The following SLC7A2 variants were observed in gnomAD, a reference collection of about 807,000 sequenced individuals.
SLC7A2 encodes cationic amino acid transporter 2.
In SLC7A2, 48 loss-of-function variants were observed where a neutral mutation model predicts 58.9. The observed-to-expected ratio is 0.82, with a 90% CI of 0.65 to 1.04. The LOEUF (loss-of-function observed/expected upper bound fraction) is 1.04. SLC7A2 is among the 50% of genes least tolerant of loss of function. The probability of loss-of-function intolerance (pLI) is 0.00; values close to 1 mark genes in which losing one functional copy is unlikely to be tolerated. For missense variants in SLC7A2, 1,029 were observed against 818.8 expected (o/e 1.26, Z -3.13); for synonymous variants, 363 against 314.5 (o/e 1.15, Z -1.63).
intron 8 of SLC7A2, chr8:17,554,920 G>T: frequency 6.2e-7 from 1 of 1,612,628 alleles, no homozygotes; most frequent in East Asian, 2.2e-5. Context: ...TAACTCATGT[G>T]TGGATTTTGA....
At chr8:17,561,570 C>G (rs1210325376) in intron 10 of SLC7A2, among the ~76,000 whole-genome samples, 1 of 152,090 alleles carries the variant, frequency 6.6e-6, no homozygotes, top group Non-Finnish European at 1.5e-5. Flanking sequence ...TTTACGACAG[C>G]TTAAAATAAC....
chr8:17,518,268 A>G (rs1225651339), intron 2 of SLC7A2, among the ~76,000 whole-genome samples: 1 of 149,324 alleles, frequency 6.7e-6, no homozygotes, highest in Non-Finnish European at 1.5e-5. Flanking sequence ...ATATTCTGCA[A>G]CTCCATCGAT....
intron 1 of SLC7A2, among the ~76,000 whole-genome samples, chr8:17,498,037 C>G (rs527544095): frequency 3.1e-4 from 47 of 152,248 alleles, no homozygotes; most frequent in Non-Finnish European, 4.9e-4. Context: ...GAAATATGCT[C>G]AGCAAAAGCC....
chr8:17,551,372 G>T (rs183785322), intron 6 of SLC7A2, among the ~76,000 whole-genome samples: 1 of 152,318 alleles, frequency 6.6e-6, no homozygotes, highest in African/African-American at 2.4e-5. Flanking sequence ...ATTGAGGAGG[G>T]TGGATCACTT....
chr8:17,519,798 T>C (rs13270915), intron 2 of SLC7A2, among the ~76,000 whole-genome samples: 5,692 of 152,218 alleles, frequency 0.037, 139 homozygotes, highest in East Asian at 0.11. Flanking sequence ...AATATTCACA[T>C]TCATCTTGCC....
chr8:17,506,826 T>C (rs557966345), intron 2 of SLC7A2, among the ~76,000 whole-genome samples: 1 of 152,058 alleles, frequency 6.6e-6, no homozygotes, highest in African/African-American at 2.4e-5. Flanking sequence ...TCTCGGCTCA[T>C]GTGAGGTTAG....
intron 2 of SLC7A2, among the ~76,000 whole-genome samples, chr8:17,506,109 A>T (rs992813986): frequency 3.9e-5 from 6 of 152,208 alleles, no homozygotes; most frequent in African/African-American, 1.4e-4. Flanking sequence ...TTTGTGGCAT[A>T]GTGGTTGTGT....
intron 2 of SLC7A2, among the ~76,000 whole-genome samples, chr8:17,503,120 G>A (rs888482697): frequency 6.6e-6 from 1 of 151,692 alleles, no homozygotes; most frequent in African/African-American, 2.4e-5. Flanking sequence ...GCGCGATCTC[G>A]GCTCGCTGCA....
In SLC7A2 at chr8:17,558,309, C is replaced by A. The variant is rs1802803335; in HGVS notation, c.1210C>A (p.Leu404Met). ...TCTCCCCCTAGCTTTGATGGCCTTT[C>A]TGTTTGACCTGAAGGCGCTTGTGGA... The part of the protein sequence containing the change: ...SGAVAALMAF[L>M]FDLKALVDMM... Residue 404 changes from leucine (L) to methionine (M), a missense_variant, in exon 9 of 13, where the codon CTG becomes ATG. By Grantham distance (15) the Leu-to-Met change is conservative. Coordinates refer to ENST00000494857, the MANE Select transcript of SLC7A2 (RefSeq NM_001370338.1). The A allele has an allele frequency of 6.2e-7, 1 of 1,612,418 alleles. No homozygotes were observed. Among genetic ancestry groups the A allele is most frequent in the Non-Finnish European group, 8.5e-7 (1 of 1,178,828 alleles).
At chr8:17,531,146 T>C (rs1415110334) in intron 2 of SLC7A2, among the ~76,000 whole-genome samples, 1 of 152,182 alleles carries the variant, frequency 6.6e-6, no homozygotes, top group Admixed American at 6.5e-5. Context: ...GATATCTCTC[T>C]CTCTGTCTGC....
intron 2 of SLC7A2, among the ~76,000 whole-genome samples, chr8:17,503,990 A>AT (rs1246753219): frequency 1.3e-5 from 2 of 152,094 alleles, no homozygotes; most frequent in African/African-American, 4.8e-5. Flanking sequence ...CACATGAGGA[A>AT]TTTACCTTTG....
At chr8:17,527,922 CTAAT>C (rs1229123362) in intron 2 of SLC7A2, among the ~76,000 whole-genome samples, 5 of 152,118 alleles carry the variant, frequency 3.3e-5, no homozygotes, top group Non-Finnish European at 7.3e-5. Flanking sequence ...AAGTAGTTGA[CTAAT>C]TAGGATTTTT....
At chr8:17,546,483 T>C (rs1802179528) in intron 4 of SLC7A2, among the ~76,000 whole-genome samples, 1 of 152,220 alleles carries the variant, frequency 6.6e-6, no homozygotes, top group African/African-American at 2.4e-5. Flanking sequence ...AGATGAGATA[T>C]TCATTGGTGT....
rs1292597203 is a variant in SLC7A2, at chr8:17,568,656, G to A, written c.*3510G>A. The A allele has an allele frequency of 6.6e-6, 1 of 151,998 alleles. No individual in the cohort carries two copies. Among genetic ancestry groups the A allele is most frequent in the Non-Finnish European group, 1.5e-5 (1 of 68,004 alleles). The allele number at this position is 151,998 out of a possible 1,614,324, so 9.4% of individuals were successfully genotyped here. A position where few individuals can be genotyped will look rare whatever the true frequency, so the allele number is the denominator to read the frequency against. ...CTTTTTAAGTCCTGAGTGCTTACAG[G>A]TAGTTGTTAAAAAAATTTTAAGGCC... On this transcript the variant is annotated 3_prime_UTR_variant, in exon 13 of 13. Coordinates refer to ENST00000494857, the MANE Select transcript of SLC7A2 (RefSeq NM_001370338.1).
chr8:17,514,175 C>T (rs1013412851), intron 2 of SLC7A2, among the ~76,000 whole-genome samples: 1 of 151,912 alleles, frequency 6.6e-6, no homozygotes, highest in Non-Finnish European at 1.5e-5. Flanking sequence ...TTCCCTGGAT[C>T]CAGGTAAGTA....
chr8:17,553,718 C>G (rs578145418), intron 7 of SLC7A2, among the ~76,000 whole-genome samples: 82 of 152,264 alleles, frequency 5.4e-4, no homozygotes, highest in Non-Finnish European at 9.4e-4. Flanking sequence ...TTTGAGGGCA[C>G]AGTGAGCTAT....
chr8:17,535,628 C>T lies in SLC7A2; in HGVS notation c.-22-7690C>T, dbSNP rs1021610948. Reference sequence around the variant, plus strand: ...TAAGAAATTTACATTTTTGGCCGGGCGCGGTGGCTTACGCCTGTAATCCCA... The same window carrying T: ...TAAGAAATTTACATTTTTGGCCGGGTGCGGTGGCTTACGCCTGTAATCCCA... On this transcript the variant is annotated intron_variant, in intron 2 of 12. Transcript: ENST00000494857. 2.0e-5 allele frequency among the ~76,000 whole-genome samples: 3 copies of T among 152,258 alleles called. No homozygotes were observed. The South Asian group carries it at 6.2e-4, about 32-fold the overall frequency.
chr8:17,499,665 T>C (rs1800079057), intron 1 of SLC7A2, among the ~76,000 whole-genome samples: 1 of 151,838 alleles, frequency 6.6e-6, no homozygotes, highest in East Asian at 1.9e-4. Context: ...TATTTAGTTT[T>C]GGGTGCATCA....
At chr8:17,562,173 G>A in intron 11 of SLC7A2, 63 bp downstream of exon 11, 2 of 694,560 alleles carry the variant, frequency 2.9e-6, no homozygotes, top group Non-Finnish European at 4.0e-6. Flanking sequence ...TAATTAGTTT[G>A]GTAAGTATTT....
Sources: gnomAD v4.1 joint callset for allele counts (sites outside exome capture counted in the v4.1 genomes callset) on GRCh38, gnomAD v4.1.1 for gene constraint, MANE v1.5 for transcripts, NCBI Gene and HGNC (gene_info 2026-07-23, HGNC 2026-07-21) for gene names.